Variants in THSD4 observed in about 807,000 individuals in gnomAD.
THSD4 encodes thrombospondin type-1 domain-containing protein 4.
In THSD4, 69 loss-of-function variants were observed where a neutral mutation model predicts 119.0. That is an observed-to-expected ratio of 0.58 (90% CI 0.48 to 0.71). THSD4 has a LOEUF of 0.71. Among genes scored for constraint, THSD4 ranks in the 30% least tolerant of loss-of-function variants. The pLI, the probability that THSD4 is intolerant of heterozygous loss-of-function variation, is 0.00. For synonymous variants in THSD4, 524 were observed against 540.4 expected (o/e 0.97, Z 0.42); for missense variants, 1,393 against 1,391.1 (o/e 1.00, Z -0.02).
intron 8 of THSD4, among the ~76,000 whole-genome samples, chr15:71,724,288 T>TATATATATATATATATATATATA (rs1491162842): frequency 2.5e-4 from 8 of 31,466 alleles, no homozygotes; most frequent in Admixed American, 4.1e-4. Context: ...TATATATATA[T>TATATATATATATATATATATATA]TTTTTTTTTC....
chr15:71,357,691 G>A (rs1163442280), intron 6 of THSD4, among the ~76,000 whole-genome samples: 2 of 152,184 alleles, frequency 1.3e-5, no homozygotes, highest in African/African-American at 4.8e-5. Flanking sequence ...AGGAAGGGGA[G>A]TGCACATCAG....
At chr15:71,670,489 T>C (rs2051502959) in intron 8 of THSD4, among the ~76,000 whole-genome samples, 1 of 151,024 alleles carries the variant, frequency 6.6e-6, no homozygotes, top group Non-Finnish European at 1.5e-5. Context: ...TTTTTTAGAT[T>C]TAAATTTTAC....
At chr15:71,708,103 T>A (rs2052428418) in intron 8 of THSD4, among the ~76,000 whole-genome samples, 1 of 152,242 alleles carries the variant, frequency 6.6e-6, no homozygotes, top group East Asian at 1.9e-4. Context: ...TGGTTAGATG[T>A]GACTTCTGTC....
chr15:71,128,749 A>C (rs2141359439), intron 1 of THSD4, among the ~76,000 whole-genome samples: 1 of 152,308 alleles, frequency 6.6e-6, no homozygotes. Flanking sequence ...TTTGAAAACA[A>C]ATTTGAAAAA....
Position 71,286,278 on chromosome 15 carries a change from A to C in THSD4, c.1015+29563A>C, listed in dbSNP as rs565800514. Reference sequence around the variant, plus strand: ...CACCCAGGTATTAAGCCTAGGATCCATTAGTTATTTTTCCTGATTCTCTTC... The same window carrying C: ...CACCCAGGTATTAAGCCTAGGATCCCTTAGTTATTTTTCCTGATTCTCTTC... On this transcript the variant is annotated intron_variant, in intron 6 of 17. Transcript: ENST00000261862. 2.5e-4 allele frequency among the ~76,000 whole-genome samples: 38 copies of C among 152,286 alleles called. No homozygotes were observed. In the South Asian group the frequency reaches 7.7e-3, roughly 31 times the overall value.
intron 7 of THSD4, among the ~76,000 whole-genome samples, chr15:71,493,734 T>A (rs1194477976): frequency 3.9e-5 from 6 of 152,196 alleles, no homozygotes; most frequent in African/African-American, 1.4e-4. Flanking sequence ...GACAAAGGTT[T>A]ATTGGGCTCA....
intron 12 of THSD4, among the ~76,000 whole-genome samples, chr15:71,745,559 C>T (rs1375351051): frequency 6.6e-6 from 1 of 152,076 alleles, no homozygotes; most frequent in African/African-American, 2.4e-5. Context: ...GTGAGCTGTT[C>T]ACAGAGAGAG....
chr15:71,608,772 T>C (rs1253014545), intron 7 of THSD4, among the ~76,000 whole-genome samples: 4 of 152,248 alleles, frequency 2.6e-5, no homozygotes, highest in Non-Finnish European at 4.4e-5. Flanking sequence ...ATGAATATTA[T>C]AATTTAAAAT....
At chr15:71,444,877 A>C (rs555698140) in intron 7 of THSD4, among the ~76,000 whole-genome samples, 6 of 152,178 alleles carry the variant, frequency 3.9e-5, no homozygotes, top group Non-Finnish European at 8.8e-5. Context: ...GAGGGATTCT[A>C]AAATATAAAT....
intron 3 of THSD4, among the ~76,000 whole-genome samples, chr15:71,166,009 A>T (rs191898079): frequency 2.0e-5 from 3 of 152,072 alleles, no homozygotes; most frequent in Non-Finnish European, 4.4e-5. Flanking sequence ...TAGGCCAGCT[A>T]TTGAACCAGA....
At chr15:71,772,514 A>T (rs2053840170) in intron 17 of THSD4, among the ~76,000 whole-genome samples, 1 of 152,236 alleles carries the variant, frequency 6.6e-6, no homozygotes. Flanking sequence ...CCTGAATGGG[A>T]ACACTCAATA....
chr15:71,761,685 G>A (rs1211987594), intron 15 of THSD4, among the ~76,000 whole-genome samples: 1 of 152,076 alleles, frequency 6.6e-6, no homozygotes, highest in African/African-American at 2.4e-5. Flanking sequence ...GTCTTTGCCA[G>A]CTCCTTCTTT....
chr15:71,692,212 C>T (rs1293089501), intron 8 of THSD4, among the ~76,000 whole-genome samples: 2 of 152,128 alleles, frequency 1.3e-5, no homozygotes, highest in East Asian at 3.8e-4. Context: ...TGTATGTGCA[C>T]GTGTACGTTA....
At chr15:71,622,888 T>A (rs1254929743) in intron 7 of THSD4, among the ~76,000 whole-genome samples, 2 of 152,146 alleles carry the variant, frequency 1.3e-5, no homozygotes, top group African/African-American at 4.8e-5. Context: ...AGGGGAGATT[T>A]GTTCAATGGG....
At chr15:71,193,716 C>A (rs1034504462) in intron 3 of THSD4, among the ~76,000 whole-genome samples, 1 of 151,696 alleles carries the variant, frequency 6.6e-6, no homozygotes, top group African/African-American at 2.4e-5. Flanking sequence ...TTTTTCTTTT[C>A]TTTTTTTTTG....
chr15:71,245,488 C>T (rs554473922), intron 5 of THSD4, among the ~76,000 whole-genome samples: 11 of 152,234 alleles, frequency 7.2e-5, no homozygotes, highest in African/African-American at 2.4e-4. Flanking sequence ...CTCACAGTTA[C>T]GACTTATTAC....
At chr15:71,504,236 C>T (rs1388087721) in intron 7 of THSD4, among the ~76,000 whole-genome samples, 9 of 152,110 alleles carry the variant, frequency 5.9e-5, no homozygotes, top group South Asian at 2.1e-4. Flanking sequence ...ACCAGCAGGT[C>T]GTGAAGGGTT....
At chr15:71,388,724 G>A (rs746676310) in intron 6 of THSD4, among the ~76,000 whole-genome samples, 1 of 151,182 alleles carries the variant, frequency 6.6e-6, no homozygotes, top group Non-Finnish European at 1.5e-5. Context: ...ATGTTTGTAT[G>A]GACTCAGGCA....
At chr15:71,626,613 C>G (rs901224149) in intron 7 of THSD4, among the ~76,000 whole-genome samples, 2 of 152,212 alleles carry the variant, frequency 1.3e-5, no homozygotes, top group East Asian at 3.9e-4. Context: ...TATGATTTTT[C>G]TTCTGTAGTA....
Sources: gnomAD v4.1 joint callset for allele counts (sites outside exome capture counted in the v4.1 genomes callset) on GRCh38, gnomAD v4.1.1 for gene constraint, MANE v1.5 for transcripts, NCBI Gene and HGNC (gene_info 2026-07-23, HGNC 2026-07-21) for gene names.